CDK7: variants seen among roughly 807,000 people sequenced by gnomAD.
CDK7 encodes the protein cyclin dependent kinase 7, also known as cyclin-dependent kinase 7.
A neutral mutation model predicts 49.1 loss-of-function variants in CDK7; 25 were observed. The observed-to-expected ratio is 0.51, with a 90% confidence interval of 0.37 to 0.71. The LOEUF (loss-of-function observed/expected upper bound fraction) is 0.71, where lower values mean the gene tolerates loss of function less well. Among genes scored for constraint, CDK7 ranks in the 30% least tolerant of loss-of-function variants. The probability of loss-of-function intolerance (pLI) is 0.00; values close to 1 mark genes in which losing one functional copy is unlikely to be tolerated. For missense variants in CDK7, 316 were observed against 411.7 expected, an observed-to-expected ratio of 0.77 and a Z score of 2.01; for synonymous variants, 107 against 140.0, an observed-to-expected ratio of 0.76 and a Z score of 1.67.
chr5:69,238,753 G>C (rs1190584797), intron 2 of CDK7, among the ~76,000 whole-genome samples: 1 of 150,940 alleles, frequency 6.6e-6, no homozygotes, highest in Admixed American at 6.6e-5. Context: ...ACCTCCCCAG[G>C]CTCAAGCAGT....
At chr5:69,276,726 T>C (rs1752180682) in intron 11 of CDK7, 36 bp downstream of exon 11, 1 of 1,581,324 alleles carries the variant, frequency 6.3e-7, no homozygotes, top group Non-Finnish European at 8.6e-7. Flanking sequence ...TTAAATGAAT[T>C]TAGAAAACTC....
intron 9 of CDK7, among the ~76,000 whole-genome samples, chr5:69,270,113 C>A: frequency 6.9e-6 from 1 of 144,594 alleles, no homozygotes; most frequent in South Asian, 2.2e-4. Flanking sequence ...GAATATTATT[C>A]ACGTGCAATT....
Position 69,235,321 on chromosome 5 carries a change from C to T in CDK7, c.67-73C>T, listed in dbSNP as rs146301033. On this transcript the variant is annotated intron_variant, in intron 1 of 11. Coordinates refer to ENST00000256443, the MANE Select transcript of CDK7 (RefSeq NM_001799.4). The stretch of plus-strand genomic sequence containing the variant: ...CAGGAACTCTGGGCTCTTTGCTTCG[C>T]GAAATGTAAAAATGCAAAAAGGCAA... 3.0e-4 allele frequency: 358 copies of T among 1,181,176 alleles called. 1 individual carries two copies. The African/African-American group carries it at 5.1e-3, about 17-fold the overall frequency. 73.2% of individuals were successfully genotyped at this position (1,181,176 alleles called of 1,614,324 possible).
intron 10 of CDK7, among the ~76,000 whole-genome samples, chr5:69,275,701 C>T (rs191794575): frequency 3.5e-4 from 54 of 152,190 alleles, no homozygotes; most frequent in African/African-American, 9.4e-4. Flanking sequence ...CAGCCAGGCG[C>T]GGTGGCTCAC....
chr5:69,260,068 G>A, intron 7 of CDK7, 132 bp downstream of exon 7: 1 of 631,356 alleles, frequency 1.6e-6, no homozygotes, highest in East Asian at 2.8e-5. Flanking sequence ...CTGCCATTTG[G>A]CCAGGCGCGG....
chr5:69,241,704 C>T (rs1234658855), intron 2 of CDK7, among the ~76,000 whole-genome samples: 1 of 152,102 alleles, frequency 6.6e-6, no homozygotes, highest in Non-Finnish European at 1.5e-5. Context: ...ATTTGTATGT[C>T]TTCTTTTGAG....
intron 2 of CDK7, among the ~76,000 whole-genome samples, chr5:69,239,459 C>T (rs1425463057): frequency 6.6e-6 from 1 of 152,066 alleles, no homozygotes; most frequent in African/African-American, 2.4e-5. Flanking sequence ...TTAATAGAGA[C>T]AAGGTTTCAC....
At chr5:69,273,431 T>C (rs1254930868) in intron 10 of CDK7, among the ~76,000 whole-genome samples, 1 of 152,232 alleles carries the variant, frequency 6.6e-6, no homozygotes, top group Non-Finnish European at 1.5e-5. Context: ...GAAAGTAGTT[T>C]GTTCGGCTTA....
intron 6 of CDK7, among the ~76,000 whole-genome samples, chr5:69,259,127 G>T (rs1042769254): frequency 2.0e-5 from 3 of 151,460 alleles, no homozygotes; most frequent in African/African-American, 4.8e-5. Context: ...AGTATTCTTT[G>T]TGCTACAATG....
chr5:69,237,903 G>A (rs1185330602), intron 2 of CDK7, among the ~76,000 whole-genome samples: 1 of 152,078 alleles, frequency 6.6e-6, no homozygotes, highest in Non-Finnish European at 1.5e-5. Flanking sequence ...CACTATGCCT[G>A]GCCTATTTCT....
intron 1 of CDK7, 151 bp downstream of exon 1, chr5:69,235,192 T>C: frequency 1.3e-6 from 1 of 798,946 alleles, no homozygotes; most frequent in Non-Finnish European, 2.1e-6. Context: ...TGCCCATTCT[T>C]TACATCCTGG....
At chr5:69,235,899 A>C (rs979097765) in intron 2 of CDK7, among the ~76,000 whole-genome samples, 8 of 152,236 alleles carry the variant, frequency 5.3e-5, no homozygotes, top group African/African-American at 1.9e-4. Context: ...TCTTATATTC[A>C]TTCAAAAGAC....
chr5:69,262,904 A>G lies in CDK7; in HGVS notation c.627+600A>G, dbSNP rs372756201. On this transcript the variant is annotated intron_variant, in intron 8 of 11. Transcript: ENST00000256443. ...GGCAGTATCTCTATAACAACTAAATATGTTCAGATAAACTTTTGTCCTCCT... is the reference window on the plus strand; with the variant it reads ...GGCAGTATCTCTATAACAACTAAATGTGTTCAGATAAACTTTTGTCCTCCT... 1.3e-5 allele frequency among the ~76,000 whole-genome samples: 2 copies of G among 152,292 alleles called. 1 individual carries two copies. Among genetic ancestry groups the G allele is most frequent in the African/African-American group, 4.8e-5 (2 of 41,574 alleles).
chr5:69,240,348 A>T (rs1580264813), intron 2 of CDK7, among the ~76,000 whole-genome samples: 1 of 152,194 alleles, frequency 6.6e-6, no homozygotes, highest in African/African-American at 2.4e-5. Flanking sequence ...ATTAGATGCT[A>T]CTGTGGCATT....
At chr5:69,238,737 A>G (rs1477858523) in intron 2 of CDK7, among the ~76,000 whole-genome samples, 2 of 148,712 alleles carry the variant, frequency 1.3e-5, no homozygotes, top group East Asian at 2.0e-4. Flanking sequence ...GCTCACTGCA[A>G]CCTCCACCTC....
intron 5 of CDK7, among the ~76,000 whole-genome samples, chr5:69,256,621 G>A (rs1013615353): frequency 2.6e-5 from 4 of 152,034 alleles, no homozygotes; most frequent in Non-Finnish European, 4.4e-5. Context: ...GATTATAAGC[G>A]TGAGCCACCA....
chr5:69,251,800 T>C (rs898238659), intron 2 of CDK7, among the ~76,000 whole-genome samples: 6 of 152,202 alleles, frequency 3.9e-5, no homozygotes, highest in Non-Finnish European at 8.8e-5. Flanking sequence ...GTCAAAGTGT[T>C]GGAATTTACA....
intron 8 of CDK7, among the ~76,000 whole-genome samples, chr5:69,268,478 T>A (rs903565781): frequency 6.6e-6 from 1 of 152,218 alleles, no homozygotes; most frequent in African/African-American, 2.4e-5. Flanking sequence ...CAATACACTT[T>A]GTACTAAATT....
At position 69,238,174 on chromosome 5, in the gene CDK7, T is replaced by G. The variant is rs1749128786; in HGVS notation, c.126+2721T>G. 2.0e-5 allele frequency among the ~76,000 whole-genome samples: 3 copies of G among 152,244 alleles called. No individual in the cohort carries two copies. The South Asian group carries it at 6.2e-4, about 31-fold the overall frequency. ...ATTATGTGGAATTTGTTTCCCAATT[T>G]ATTTAACCAATCACCTATTGATGGC... is the stretch of plus-strand genomic sequence containing the variant. On this transcript the variant is annotated intron_variant, in intron 2 of 11. Transcript: ENST00000256443.
Sources: gnomAD v4.1 joint callset for allele counts (sites outside exome capture counted in the v4.1 genomes callset) on GRCh38, gnomAD v4.1.1 for gene constraint, MANE v1.5 for transcripts, NCBI Gene and HGNC (gene_info 2026-07-23, HGNC 2026-07-21) for gene names.